SLC51B: variants seen among roughly 807,000 people sequenced by gnomAD.
SLC51B encodes SLC51 subunit beta.
SLC51B carries 6 observed loss-of-function variants against 8.0 expected under a neutral mutation model. The observed-to-expected ratio is 0.75, with a 90% CI of 0.41 to 1.48. The LOEUF is 1.48. Ranked by LOEUF, SLC51B falls within the 40% of genes most tolerant of loss-of-function variation. The pLI is 0.01. For synonymous variants in SLC51B, 61 were observed against 54.8 expected (o/e 1.11, Z -0.50); for missense variants, 150 against 149.7 (o/e 1.00, Z -0.01).
At chr15:65,048,086 A>G (rs1007896799) in intron 1 of SLC51B, among the ~76,000 whole-genome samples, 4 of 152,074 alleles carry the variant, frequency 2.6e-5, no homozygotes, top group African/African-American at 7.2e-5. Context: ...CAGAGGCACA[A>G]ACGAGAACCG....
At chr15:65,050,836 C>CTTTTTTTTTTTT (rs57404080) in intron 2 of SLC51B, among the ~76,000 whole-genome samples, 2 of 95,648 alleles carry the variant, frequency 2.1e-5, no homozygotes, top group Admixed American at 1.4e-4. Flanking sequence ...TCTTCTTCTT[C>CTTTTTTTTTTTT]TTTTTTTTTT....
intron 1 of SLC51B, among the ~76,000 whole-genome samples, chr15:65,046,926 C>A (rs1322360473): frequency 2.0e-5 from 3 of 150,942 alleles, no homozygotes; most frequent in South Asian, 2.1e-4. Flanking sequence ...AAACAAAAAA[C>A]AAAAAAACAC....
intron 2 of SLC51B, 82 bp from the exon 3 acceptor site, chr15:65,051,433 C>A: frequency 7.4e-7 from 1 of 1,357,618 alleles, no homozygotes. Flanking sequence ...TAAGCTGGGT[C>A]TGAGCCCAGG....
intron 2 of SLC51B, among the ~76,000 whole-genome samples, chr15:65,050,833 C>CTTTTTTTTTTTTTTTTTTT (rs67418433): frequency 2.0e-4 from 18 of 88,594 alleles, no homozygotes; most frequent in South Asian, 5.1e-4. Flanking sequence ...TCTTCTTCTT[C>CTTTTTTTTTTTTTTTTTTT]TTCTTTTTTT....
At chr15:65,049,828 T>C in intron 1 of SLC51B, 69 bp from the exon 2 acceptor site, 1 of 485,734 alleles carries the variant, frequency 2.1e-6, no homozygotes, top group Non-Finnish European at 3.7e-6. Context: ...AGAGGAGATC[T>C]GGATTTGGGC....
intron 3 of SLC51B, 128 bp from the exon 4 acceptor site, chr15:65,052,838 G>A (rs1211298881): frequency 2.1e-5 from 16 of 761,854 alleles, no homozygotes; most frequent in East Asian, 1.3e-4. Flanking sequence ...AACCATTGCC[G>A]CTTCTCCTCT....
chr15:65,052,905 C>A (rs552003582), intron 3 of SLC51B, 61 bp from the exon 4 acceptor site: 1 of 1,530,480 alleles, frequency 6.5e-7, no homozygotes, highest in Non-Finnish European at 8.9e-7. Flanking sequence ...GCCATTTGGG[C>A]GACCCAGTCC....
chr15:65,049,624 A>C (rs990331138), intron 1 of SLC51B: 1 of 156,888 alleles, frequency 6.4e-6, no homozygotes, highest in Non-Finnish European at 1.4e-5. Flanking sequence ...GCAGGCGAAG[A>C]CCCGAGATGT....
intron 3 of SLC51B, 28 bp downstream of exon 3, chr15:65,051,633 G>C (rs2086654374): frequency 6.2e-7 from 1 of 1,605,122 alleles, no homozygotes; most frequent in Admixed American, 1.7e-5. Context: ...GGGGGATGGG[G>C]TGGTCTCTGT....
intron 1 of SLC51B, among the ~76,000 whole-genome samples, chr15:65,047,625 T>TA (rs1358850222): frequency 6.6e-6 from 1 of 152,192 alleles, no homozygotes; most frequent in Non-Finnish European, 1.5e-5. Flanking sequence ...CAGGCACTCT[T>TA]ACATCTGAGA....
In SLC51B at chr15:65,049,941, C is replaced by T. The variant is rs559217352; in HGVS notation, c.-64C>T. On this transcript the variant is annotated 5_prime_UTR_variant, in exon 2 of 4. Transcript: ENST00000334287. ...GCCCAGGGGCCAGAACCGAGGAGGC[C>T]AGGAGGGCTGCTGGGGCTAAGGGGT... is the stretch of plus-strand genomic sequence containing the variant. 1 of 1,347,262 alleles carries T rather than the reference C, an allele frequency of 7.4e-7. No individual in the cohort carries two copies. Among genetic ancestry groups the T allele is most frequent in the East Asian group, 2.6e-5 (1 of 38,530 alleles). 83.5% of individuals were successfully genotyped at this position (1,347,262 alleles called of 1,614,324 possible).
Position 65,045,407 on chromosome 15 carries a change from C to A in SLC51B, c.-284C>A, listed in dbSNP as rs2086565527. 1 of 152,308 alleles carries A rather than the reference C, an allele frequency of 6.6e-6. No homozygotes were observed. The highest frequency in any genetic ancestry group is 2.1e-4 in the South Asian group (1 of 4,826). 9.4% of individuals were successfully genotyped at this position (152,308 alleles called of 1,614,324 possible). A position where few individuals can be genotyped will look rare whatever the true frequency, so the allele number is the denominator to read the frequency against. The stretch of plus-strand genomic sequence containing the variant: ...CTAAGGCCAGAGCTACCAGATGGGT[C>A]CAGCTGCCGCAGGCTCTCCAGGCAC... On this transcript the variant is annotated 5_prime_UTR_variant, in exon 1 of 4. Transcript: ENST00000334287.
intron 1 of SLC51B, among the ~76,000 whole-genome samples, chr15:65,047,472 A>T (rs1436635268): frequency 6.6e-6 from 1 of 152,242 alleles, no homozygotes; most frequent in Admixed American, 6.5e-5. Context: ...AGGAGTGGTC[A>T]ACATGAATAT....
At chr15:65,051,757 C>T in intron 3 of SLC51B, 152 bp downstream of exon 3, 2 of 586,002 alleles carry the variant, frequency 3.4e-6, no homozygotes, top group South Asian at 2.0e-5. Flanking sequence ...TCGAGAACCC[C>T]AAGCTGTTAA....
intron 1 of SLC51B, among the ~76,000 whole-genome samples, chr15:65,045,843 A>G (rs1231844604): frequency 6.6e-6 from 1 of 152,260 alleles, no homozygotes; most frequent in Non-Finnish European, 1.5e-5. Context: ...TGCTCACTTT[A>G]GAAGCAAACT....
At chr15:65,048,869 C>T (rs770137174) in intron 1 of SLC51B, among the ~76,000 whole-genome samples, 2 of 151,992 alleles carry the variant, frequency 1.3e-5, no homozygotes, top group South Asian at 4.2e-4. Flanking sequence ...ATTAGTGGGG[C>T]GGTAGTGACA....
intron 2 of SLC51B, 76 bp from the exon 3 acceptor site, chr15:65,051,439 C>T (rs2086651546): frequency 2.1e-6 from 3 of 1,424,122 alleles, no homozygotes; most frequent in South Asian, 1.2e-5. Context: ...GGGTCTGAGC[C>T]CAGGCCCCAG....
intron 1 of SLC51B, among the ~76,000 whole-genome samples, chr15:65,045,913 T>A (rs2086570982): frequency 6.6e-6 from 1 of 152,056 alleles, no homozygotes; most frequent in South Asian, 2.1e-4. Context: ...CGCCTGTAAT[T>A]CCAGCACTTT....
At chr15:65,051,064 G>C (rs2086647615) in intron 2 of SLC51B, among the ~76,000 whole-genome samples, 1 of 151,890 alleles carries the variant, frequency 6.6e-6, no homozygotes, top group African/African-American at 2.4e-5. Flanking sequence ...GGCTGGTCTT[G>C]AACTCCCGAC....
Sources: gnomAD v4.1 joint callset for allele counts (sites outside exome capture counted in the v4.1 genomes callset) on GRCh38, gnomAD v4.1.1 for gene constraint, MANE v1.5 for transcripts, NCBI Gene and HGNC (gene_info 2026-07-23, HGNC 2026-07-21) for gene names.